TSPAN7: variants seen among roughly 807,000 people sequenced by gnomAD.
TSPAN7 encodes tetraspanin-7.
Under a neutral mutation model 17.6 loss-of-function variants are expected in TSPAN7, and 1 was observed. That is an observed-to-expected ratio of 0.06 (90% CI 0.02 to 0.27). TSPAN7 has a LOEUF of 0.27. Among genes scored for constraint, TSPAN7 ranks in the 10% least tolerant of loss-of-function variants. The probability of loss-of-function intolerance (pLI) is 1.00; values close to 1 mark genes in which losing one functional copy is unlikely to be tolerated. For synonymous variants in TSPAN7, 78 were observed against 79.0 expected, an observed-to-expected ratio of 0.99 and a Z score of 0.07; for missense variants, 112 against 201.7, an observed-to-expected ratio of 0.56 and a Z score of 2.69.
chrX:38,674,641 C>T (rs1357346705), intron 4 of TSPAN7, among the ~76,000 whole-genome samples: 2 of 111,483 alleles, frequency 1.8e-5, no homozygotes, highest in African/African-American at 6.5e-5. Context: ...AGAGTTGGCT[C>T]CCGGAGGCTG....
chrX:38,604,355 C>A (rs1247478999), intron 1 of TSPAN7, among the ~76,000 whole-genome samples: 3 of 108,275 alleles, frequency 2.8e-5, no homozygotes, highest in Non-Finnish European at 5.7e-5. Flanking sequence ...GTCTTTATAG[C>A]AGCATGATAT....
At chrX:38,686,304 A>G (rs954625342) in intron 6 of TSPAN7, among the ~76,000 whole-genome samples, 1 of 112,259 alleles carries the variant, frequency 8.9e-6, no homozygotes, top group Admixed American at 9.4e-5. Context: ...TGGAACCTGC[A>G]TGGATAGGTT....
At chrX:38,678,158 G>A (rs1191409780) in intron 5 of TSPAN7, among the ~76,000 whole-genome samples, 1 of 112,178 alleles carries the variant, frequency 8.9e-6, no homozygotes, top group Non-Finnish European at 1.9e-5. Context: ...TTACTAGCAG[G>A]ATGATGAAAT....
At chrX:38,629,275 A>G (rs1314530526) in intron 1 of TSPAN7, among the ~76,000 whole-genome samples, 1 of 112,215 alleles carries the variant, frequency 8.9e-6, no homozygotes, top group Non-Finnish European at 1.9e-5. Context: ...CGGTGATGTG[A>G]TACAATGTGG....
intron 1 of TSPAN7, among the ~76,000 whole-genome samples, chrX:38,643,960 A>G (rs1266074973): frequency 8.9e-6 from 1 of 112,413 alleles, no homozygotes; most frequent in African/African-American, 3.2e-5. Flanking sequence ...TGCCTGTAAA[A>G]GACCAACAAG....
intron 6 of TSPAN7, among the ~76,000 whole-genome samples, chrX:38,686,121 A>G (rs1006541057): frequency 8.9e-6 from 1 of 112,791 alleles, no homozygotes; most frequent in Non-Finnish European, 1.9e-5. Context: ...GCCACTTGGC[A>G]GTAAGTGCAT....
chrX:38,646,233 A>G, intron 1 of TSPAN7: 1 of 1,138,765 alleles, frequency 8.8e-7, no homozygotes, highest in Non-Finnish European at 1.2e-6. Flanking sequence ...CTTTTCTATA[A>G]TATCTTTTGT....
intron 1 of TSPAN7, among the ~76,000 whole-genome samples, chrX:38,602,308 T>C (rs982965473): frequency 2.7e-5 from 3 of 111,470 alleles, no homozygotes; most frequent in Non-Finnish European, 5.7e-5. Context: ...AATCACTTTT[T>C]TTATTCCTGG....
intron 1 of TSPAN7, among the ~76,000 whole-genome samples, chrX:38,579,418 A>G (rs748250334): frequency 5.8e-4 from 58 of 100,604 alleles, no homozygotes; most frequent in South Asian, 1.3e-3. Flanking sequence ...CGTCTCTACT[A>G]AAAAAAAAAA....
chrX:38,565,085 T>G (rs1377492269), intron 1 of TSPAN7, among the ~76,000 whole-genome samples: 7 of 112,252 alleles, frequency 6.2e-5, no homozygotes, highest in Non-Finnish European at 1.3e-4. Context: ...AAGAATTATC[T>G]CTCAGTTCAG....
In TSPAN7 at chrX:38,576,601, G is replaced by T. The variant is rs35464991; in HGVS notation, c.81+14974G>T. 2.7e-5 allele frequency among the ~76,000 whole-genome samples: 3 copies of T among 111,592 alleles called. No homozygotes were observed. The Admixed American group carries it at 2.9e-4, about 11-fold the overall frequency. On this transcript the variant is annotated intron_variant, in intron 1 of 7. Transcript: ENST00000378482. Reference sequence around the variant, plus strand: ...TTTAAAGTTAGATATGTGCCTCTTGGACAGCAATGAACTGTAAGAGAGAGA... The same window carrying T: ...TTTAAAGTTAGATATGTGCCTCTTGTACAGCAATGAACTGTAAGAGAGAGA...
intron 6 of TSPAN7, 52 bp downstream of exon 6, chrX:38,681,339 C>T: frequency 9.6e-7 from 1 of 1,038,527 alleles, no homozygotes; most frequent in Non-Finnish European, 1.4e-6. Context: ...CTGCCTCCCT[C>T]CCTGGCCTCC....
At chrX:38,636,075 G>GTTATTTATTTATTTAT (rs146991452) in intron 1 of TSPAN7, among the ~76,000 whole-genome samples, 13 of 102,382 alleles carry the variant, frequency 1.3e-4, no homozygotes, top group African/African-American at 4.8e-4. Context: ...TTTTCATTTT[G>GTTATTTATTTATTTAT]TTATTTATTT....
At chrX:38,583,949 C>CTTTTTTTTTTTTTTTTTTTTTTT (rs34777484) in intron 1 of TSPAN7, among the ~76,000 whole-genome samples, 2 of 66,971 alleles carry the variant, frequency 3.0e-5, no homozygotes, top group Non-Finnish European at 5.6e-5. Context: ...TTTTTCTTTT[C>CTTTTTTTTTTTTTTTTTTTTTTT]TTTTTTTTTT....
intron 1 of TSPAN7, among the ~76,000 whole-genome samples, chrX:38,596,216 A>G (rs2069317912): frequency 9.0e-6 from 1 of 111,472 alleles, no homozygotes; most frequent in African/African-American, 3.3e-5. Context: ...CTTGTGTGTC[A>G]GTTGCCTGCA....
chrX:38,687,231 CTTAA>C (rs776633040), intron 6 of TSPAN7, among the ~76,000 whole-genome samples: 8 of 111,544 alleles, frequency 7.2e-5, no homozygotes, highest in Admixed American at 6.6e-4. Context: ...TTCTGTGTTC[CTTAA>C]TTTTTTTATT....
At chrX:38,597,782 T>A (rs1019355979) in intron 1 of TSPAN7, among the ~76,000 whole-genome samples, 1 of 111,725 alleles carries the variant, frequency 9.0e-6, no homozygotes, top group African/African-American at 3.2e-5. Flanking sequence ...AGATTTCAAC[T>A]GGGTGTCACA....
intron 1 of TSPAN7, among the ~76,000 whole-genome samples, chrX:38,625,286 C>G (rs2069515830): frequency 9.0e-6 from 1 of 110,966 alleles, no homozygotes; most frequent in Admixed American, 9.6e-5. Flanking sequence ...TTTAAAACCC[C>G]TTTTCTTAAC....
intron 1 of TSPAN7, among the ~76,000 whole-genome samples, chrX:38,604,493 T>G (rs1345440510): frequency 9.1e-6 from 1 of 110,443 alleles, no homozygotes; most frequent in Non-Finnish European, 1.9e-5. Context: ...CCACCAACAG[T>G]GTAAAAGTGT....
Sources: allele counts gnomAD v4.1 joint callset (sites outside exome capture counted in the v4.1 genomes callset), GRCh38; gene constraint gnomAD v4.1.1; transcripts MANE v1.5; gene names NCBI Gene and HGNC (gene_info 2026-07-23, HGNC 2026-07-21).